MNT: variants seen among roughly 807,000 people sequenced by gnomAD.
MNT encodes the protein max-binding protein MNT.
A neutral mutation model predicts 40.7 loss-of-function variants in MNT; 13 were observed. The observed-to-expected ratio is 0.32, with a 90% CI of 0.21 to 0.51. The LOEUF (loss-of-function observed/expected upper bound fraction) is 0.51. MNT is among the 20% of genes least tolerant of loss of function. The probability of loss-of-function intolerance (pLI) is 0.98; values close to 1 mark genes in which losing one functional copy is unlikely to be tolerated. For synonymous variants in MNT, 426 were observed against 354.8 expected (o/e 1.20, Z -2.26); for missense variants, 757 against 792.0 (o/e 0.96, Z 0.53).
At chr17:2,392,835 A>G (rs2066532211) in intron 4 of MNT, 1 of 151,820 alleles carries the variant, frequency 6.6e-6, no homozygotes, top group South Asian at 2.1e-4. Flanking sequence ...AGCGGCCTGG[A>G]GGCGCGCCAG....
At chr17:2,392,564 G>A (rs1269133909) in intron 4 of MNT, 1 of 152,242 alleles carries the variant, frequency 6.6e-6, no homozygotes, top group South Asian at 2.1e-4. Context: ...AACACCCTCA[G>A]CCAGCCCTGC....
At chr17:2,394,409 GCGCCGCCACC>G in intron 2 of MNT, 63 bp from the exon 3 acceptor site, 5 of 1,608,590 alleles carry the variant, frequency 3.1e-6, no homozygotes, top group Non-Finnish European at 3.4e-6. Flanking sequence ...TTCCTGACCA[GCGCCGCCACC>G]CGCAAAATTG....
At chr17:2,395,862 C>T (rs570003656) in intron 1 of MNT, among the ~76,000 whole-genome samples, 4 of 151,954 alleles carry the variant, frequency 2.6e-5, no homozygotes, top group South Asian at 4.2e-4. Flanking sequence ...GTGGGAGAGG[C>T]GGGCAGAGGC....
intron 4 of MNT, among the ~76,000 whole-genome samples, chr17:2,393,388 G>A (rs1046051984): frequency 6.6e-6 from 1 of 152,198 alleles, no homozygotes; most frequent in Admixed American, 6.5e-5. Flanking sequence ...CGAAAAAAGA[G>A]ACACCCCCTC....
chr17:2,384,136 G>C lies in MNT; in HGVS notation c.*2765C>G, dbSNP rs1050272872. 6.6e-6 allele frequency: 1 copy of C among 152,472 alleles called. No individual in the cohort carries two copies. Among genetic ancestry groups the C allele is most frequent in the Non-Finnish European group, 1.5e-5 (1 of 68,022 alleles). 9.4% of individuals were successfully genotyped at this position (152,472 alleles called of 1,614,324 possible). A position where few individuals can be genotyped will look rare whatever the true frequency, so the allele number is the denominator to read the frequency against. On this transcript the variant is annotated 3_prime_UTR_variant, in exon 6 of 6. Coordinates refer to ENST00000174618, the MANE Select transcript of MNT (RefSeq NM_020310.3). Reference sequence around the variant, plus strand: ...ATTCCAGGCAAGTGCTTATTACATGGATAGTATTCATGTCTCGGTAACTAA... The same window carrying C: ...ATTCCAGGCAAGTGCTTATTACATGCATAGTATTCATGTCTCGGTAACTAA...
At position 2,384,630 on chromosome 17, in the gene MNT, C is replaced by CA. The variant is rs2066441817; in HGVS notation, c.*2270dup. On this transcript the variant is annotated 3_prime_UTR_variant, in exon 6 of 6. Coordinates refer to ENST00000174618, the MANE Select transcript of MNT (RefSeq NM_020310.3). Reference sequence around the variant, plus strand: ...TGTGTGTGTGTGTGTGTGTGTGTCCCAGGCTGGAAGGGCTAGGGAGGGAGG... The same window carrying CA: ...TGTGTGTGTGTGTGTGTGTGTGTCCCAAGGCTGGAAGGGCTAGGGAGGGAGG... 9.2e-6 allele frequency: 1 copy of CA among 108,896 alleles called. No individual in the cohort carries two copies. The highest frequency in any genetic ancestry group is 8.7e-5 in the Admixed American group (1 of 11,520). 6.7% of individuals were successfully genotyped at this position (108,896 alleles called of 1,614,324 possible).
At chr17:2,387,745 C>A in intron 5 of MNT, 96 bp from the exon 6 acceptor site, 1 of 1,562,392 alleles carries the variant, frequency 6.4e-7, no homozygotes, top group South Asian at 1.2e-5. Context: ...TGTGATGGGG[C>A]TGGGGCCAGG....
chr17:2,387,577 C>G lies in MNT; in HGVS notation c.1073G>C (p.Arg358Pro), dbSNP rs563339380. 2 of 1,614,022 alleles carry G rather than the reference C, an allele frequency of 1.2e-6. No homozygotes were observed. The highest frequency in any genetic ancestry group is 1.7e-6 in the Non-Finnish European group (2 of 1,179,986). The part of the protein sequence containing the change: ...AGLGPPKLSH[R>P]PQPELLKSTL... Reference sequence around the variant, plus strand: ...GGACTTCAGCAGCTCCGGCTGGGGACGATGGCTCAGCTTAGGTGGGCCCAG... The same window carrying G: ...GGACTTCAGCAGCTCCGGCTGGGGAGGATGGCTCAGCTTAGGTGGGCCCAG... Residue 358 changes from arginine (R) to proline (P), a missense_variant, in exon 6 of 6, where the codon CGT (arginine) becomes CCT (proline). Coordinates refer to ENST00000174618, the MANE Select transcript of MNT (RefSeq NM_020310.3).
chr17:2,400,311 A>G, intron 1 of MNT: 1 of 267,894 alleles, frequency 3.7e-6, no homozygotes. Flanking sequence ...TCCTCACCCC[A>G]CCCCCCGGCT....
chr17:2,398,353 C>G (rs542320295), intron 1 of MNT, among the ~76,000 whole-genome samples: 1 of 152,208 alleles, frequency 6.6e-6, no homozygotes, highest in African/African-American at 2.4e-5. Context: ...AGCAAACTGG[C>G]TGGTCTAGGT....
In MNT at chr17:2,400,638, A is replaced by C; in HGVS notation, c.73+2T>G. ...CCCCAGGGGCCCAGCCCGGCCGCTC[A>C]CCACGTGCTCTCTGTTGTTGCTGCG... On this transcript the variant is annotated splice_donor_variant, in intron 1 of 5. Transcript: ENST00000174618. LOFTEE classifies it high-confidence loss of function. The C allele has an allele frequency of 6.3e-7, 1 of 1,581,192 alleles. No individual in the cohort carries two copies. The highest frequency in any genetic ancestry group is 8.6e-7 in the Non-Finnish European group (1 of 1,167,220).
chr17:2,391,345 G>C (rs905525950), intron 4 of MNT: 3 of 152,456 alleles, frequency 2.0e-5, no homozygotes, highest in Non-Finnish European at 4.4e-5. Context: ...AGGTGAGTCA[G>C]CTCTCACTTG....
At chr17:2,389,548 T>G (rs2066496219) in intron 4 of MNT, 1 of 152,308 alleles carries the variant, frequency 6.6e-6, no homozygotes. Flanking sequence ...GTGCTGGGAT[T>G]ACAGGCATGA....
Position 2,386,679 on chromosome 17 carries a change from A to G in MNT, c.*222T>C, listed in dbSNP as rs1350910669. The G allele has an allele frequency of 2.1e-6, 1 of 475,220 alleles. No individual in the cohort carries two copies. Among genetic ancestry groups the G allele is most frequent in the East Asian group, 3.3e-5 (1 of 30,298 alleles). The allele number at this position is 475,220 out of a possible 1,614,324, so 29.4% of individuals were successfully genotyped here. ...CCGGACAGGTGGCACATTCCATCAG[A>G]GTCTCGCATTTTCTCAGAGTCATCT... On this transcript the variant is annotated 3_prime_UTR_variant, in exon 6 of 6. Transcript: ENST00000174618.
Position 2,387,107 on chromosome 17 carries a change from C to A in MNT, c.1543G>T (p.Val515Leu), listed in dbSNP as rs780348652. The A allele has an allele frequency of 1.3e-6, 2 of 1,582,372 alleles. No individual in the cohort carries two copies. Among genetic ancestry groups the A allele is most frequent in the Non-Finnish European group, 1.7e-6 (2 of 1,164,968 alleles). ...GSQLPLYPQP[V>L]AVSHIAHTLS... ...GTGTGGGCGATGTGGCTCACTGCCA[C>A]GGGCTGCGGGTACAAGGGCAGCTGG... Residue 515 changes from valine (V) to leucine (L), a missense_variant, in exon 6 of 6, where the codon GTG (valine) becomes TTG (leucine). By Grantham distance (32) the Val-to-Leu change is conservative. Coordinates refer to ENST00000174618, the MANE Select transcript of MNT (RefSeq NM_020310.3).
At chr17:2,390,241 G>C (rs1475030152) in intron 4 of MNT, 2 of 152,280 alleles carry the variant, frequency 1.3e-5, no homozygotes, top group Non-Finnish European at 2.9e-5. Context: ...CCCGACTCCT[G>C]GTGACCATGT....
chr17:2,396,351 C>G (rs2066578939), intron 1 of MNT: 1 of 152,866 alleles, frequency 6.5e-6, no homozygotes, highest in African/African-American at 2.4e-5. Context: ...GTCCTTCAGG[C>G]CTAAAGCATC....
At chr17:2,400,009 G>A (rs1567871026) in intron 1 of MNT, among the ~76,000 whole-genome samples, 1 of 152,228 alleles carries the variant, frequency 6.6e-6, no homozygotes, top group Admixed American at 6.5e-5. Context: ...GGGCTGGCCA[G>A]GATCATAAGA....
At position 2,387,137 on chromosome 17, in the gene MNT, C is replaced by T. The variant is rs748638034; in HGVS notation, c.1513G>A (p.Gly505Ser). The change falls in exon 6 of 6, where the codon GGC becomes AGC. Residue 505 changes from glycine to serine, a missense_variant. Transcript: ENST00000174618. ...TGCGGGTACAAGGGCAGCTGGGAGC[C>T]CAGGTGGGCCACATGGTTGAGGGTG... is the stretch of plus-strand genomic sequence containing the variant. ...PATLNHVAHL[G>S]SQLPLYPQPV... The T allele has an allele frequency of 5.8e-5, 93 of 1,595,234 alleles. No individual in the cohort carries two copies. Among genetic ancestry groups the T allele is most frequent in the Non-Finnish European group, 7.7e-5 (90 of 1,172,106 alleles).
Sources: gnomAD v4.1 joint callset for allele counts (sites outside exome capture counted in the v4.1 genomes callset) on GRCh38, gnomAD v4.1.1 for gene constraint, MANE v1.5 for transcripts, NCBI Gene and HGNC (gene_info 2026-07-23, HGNC 2026-07-21) for gene names.